The following ULK4 variants were observed in gnomAD, a reference collection of about 807,000 sequenced individuals.
ULK4 encodes the protein inactive serine/threonine-protein kinase ULK4.
ULK4 carries 133 observed loss-of-function variants against 160.6 expected under a neutral mutation model. The observed-to-expected ratio is 0.83, with a 90% CI of 0.72 to 0.96. The LOEUF (loss-of-function observed/expected upper bound fraction) is 0.96, where lower values mean the gene tolerates loss of function less well. ULK4 is among the 40% of genes least tolerant of loss of function. ULK4 has a pLI of 0.00. For synonymous variants in ULK4, 534 were observed against 539.8 expected, an observed-to-expected ratio of 0.99 and a Z score of 0.15; for missense variants, 1,580 against 1,499.5, an observed-to-expected ratio of 1.05 and a Z score of -0.89.
intron 12 of ULK4, among the ~76,000 whole-genome samples, chr3:41,903,991 TAAA>T (rs35070842): frequency 2.1e-4 from 28 of 135,530 alleles, no homozygotes; most frequent in East Asian, 2.1e-4. Flanking sequence ...AAAAGGCTCT[TAAA>T]AAAAAAAAAA....
chr3:41,417,736 T>C (rs1349651233), intron 34 of ULK4, among the ~76,000 whole-genome samples: 2 of 152,168 alleles, frequency 1.3e-5, no homozygotes, highest in African/African-American at 4.8e-5. Context: ...ACACATCACT[T>C]CTGTTCGCTT....
intron 17 of ULK4, among the ~76,000 whole-genome samples, chr3:41,875,409 T>TTTTTAAAAATTTAAAATTTAA: frequency 6.6e-6 from 1 of 152,142 alleles, no homozygotes; most frequent in Middle Eastern, 3.4e-3. Flanking sequence ...CTAAAATGAT[T>TTTTTAAAAATTTAAAATTTAA]TTTTAAAAAT....
intron 35 of ULK4, among the ~76,000 whole-genome samples, chr3:41,279,917 C>A (rs1005311529): frequency 1.7e-4 from 26 of 152,112 alleles, no homozygotes; most frequent in African/African-American, 5.8e-4. Context: ...CAGAGACACA[C>A]ATAGACTCAA....
At chr3:41,397,739 A>T (rs1453658601) in intron 35 of ULK4, among the ~76,000 whole-genome samples, 1 of 152,196 alleles carries the variant, frequency 6.6e-6, no homozygotes, top group Admixed American at 6.6e-5. Context: ...GAAGACTGGT[A>T]AAGGAATTTT....
intron 30 of ULK4, among the ~76,000 whole-genome samples, chr3:41,656,753 G>A (rs2034949169): frequency 6.6e-6 from 1 of 152,078 alleles, no homozygotes; most frequent in Non-Finnish European, 1.5e-5. Context: ...TATGAATCTT[G>A]TCATAAAACA....
At chr3:41,522,253 A>G (rs1292399801) in intron 32 of ULK4, among the ~76,000 whole-genome samples, 1 of 150,842 alleles carries the variant, frequency 6.6e-6, no homozygotes, top group Admixed American at 6.6e-5. Context: ...CAGCCTCCCA[A>G]CCTGTAATCT....
chr3:41,845,253 C>T (rs533712105), intron 17 of ULK4, among the ~76,000 whole-genome samples: 4 of 152,176 alleles, frequency 2.6e-5, no homozygotes, highest in Admixed American at 2.6e-4. Flanking sequence ...CGTGAGCCAC[C>T]GCAGCCGGCC....
At chr3:41,364,862 T>G (rs2081223880) in intron 35 of ULK4, among the ~76,000 whole-genome samples, 1 of 152,190 alleles carries the variant, frequency 6.6e-6, no homozygotes, top group Non-Finnish European at 1.5e-5. Flanking sequence ...CCTTCTGGAT[T>G]GTTCAGGAGC....
At chr3:41,533,154 A>G (rs1476809659) in intron 32 of ULK4, among the ~76,000 whole-genome samples, 1 of 152,112 alleles carries the variant, frequency 6.6e-6, no homozygotes, top group Non-Finnish European at 1.5e-5. Context: ...CCCAGCTGAC[A>G]CTGTGGAGCC....
At chr3:41,635,300 T>C (rs892789164) in intron 30 of ULK4, among the ~76,000 whole-genome samples, 1 of 151,938 alleles carries the variant, frequency 6.6e-6, no homozygotes, top group East Asian at 1.9e-4. Context: ...AGATGGATTA[T>C]GGATTATCAT....
At chr3:41,774,853 G>C (rs2039542436) in intron 21 of ULK4, among the ~76,000 whole-genome samples, 1 of 150,516 alleles carries the variant, frequency 6.6e-6, no homozygotes, top group Admixed American at 6.6e-5. Flanking sequence ...ATTGGATTAA[G>C]AAAATGTGGC....
At chr3:41,771,668 T>A (rs1264997699) in intron 21 of ULK4, among the ~76,000 whole-genome samples, 1 of 151,874 alleles carries the variant, frequency 6.6e-6, no homozygotes, top group Non-Finnish European at 1.5e-5. Flanking sequence ...ATACCATCAC[T>A]ACCACCACCA....
At chr3:41,380,550 C>T (rs1185095302) in intron 35 of ULK4, among the ~76,000 whole-genome samples, 1 of 152,062 alleles carries the variant, frequency 6.6e-6, no homozygotes, top group Non-Finnish European at 1.5e-5. Flanking sequence ...TGGCTGGAAT[C>T]AGGAGTCATC....
intron 30 of ULK4, among the ~76,000 whole-genome samples, chr3:41,648,891 T>TA (rs1006279032): frequency 6.6e-6 from 1 of 152,014 alleles, no homozygotes; most frequent in Non-Finnish European, 1.5e-5. Flanking sequence ...CCCAGCACTT[T>TA]AGGAGGCCAA....
At chr3:41,327,135 T>G (rs1039131188) in intron 35 of ULK4, among the ~76,000 whole-genome samples, 2 of 152,130 alleles carry the variant, frequency 1.3e-5, no homozygotes, top group East Asian at 3.8e-4. Flanking sequence ...AAATGACTTT[T>G]TAAAAAAAGA....
chr3:41,907,146 C>T (rs573798488), intron 12 of ULK4, among the ~76,000 whole-genome samples: 1 of 152,208 alleles, frequency 6.6e-6, no homozygotes, highest in South Asian at 2.1e-4. Flanking sequence ...TTGCCTAGTA[C>T]AAGCATGGAA....
chr3:41,884,824 C>T (rs960218672), intron 16 of ULK4, among the ~76,000 whole-genome samples: 3 of 152,114 alleles, frequency 2.0e-5, no homozygotes, highest in African/African-American at 7.2e-5. Flanking sequence ...CTTAAATTTC[C>T]CATTAAAATC....
At chr3:41,556,610 C>G (rs992240620) in intron 32 of ULK4, among the ~76,000 whole-genome samples, 30 of 151,244 alleles carry the variant, frequency 2.0e-4, no homozygotes, top group Non-Finnish European at 2.5e-4. Flanking sequence ...GCCTCAGCCT[C>G]CCAAGGAGCT....
intron 27 of ULK4, among the ~76,000 whole-genome samples, chr3:41,690,429 TATA>T (rs965928558): frequency 7.3e-5 from 11 of 150,582 alleles, no homozygotes; most frequent in Admixed American, 5.3e-4. Flanking sequence ...TACCCTAAAG[TATA>T]ATAATAATAA....
Sources: gnomAD v4.1 joint callset for allele counts (sites outside exome capture counted in the v4.1 genomes callset) on GRCh38, gnomAD v4.1.1 for gene constraint, MANE v1.5 for transcripts, NCBI Gene and HGNC (gene_info 2026-07-23, HGNC 2026-07-21) for gene names.